FRMD3: variants seen among roughly 807,000 people sequenced by gnomAD.
FRMD3 encodes the protein FERM domain-containing protein 3.
A neutral mutation model predicts 70.2 loss-of-function variants in FRMD3; 33 were observed. That is an observed-to-expected ratio of 0.47 (90% confidence interval 0.36 to 0.63). The LOEUF is 0.63. Among genes scored for constraint, FRMD3 ranks in the 20% least tolerant of loss-of-function variants. FRMD3 has a pLI of 0.00. For synonymous variants in FRMD3, 279 were observed against 255.9 expected, an observed-to-expected ratio of 1.09 and a Z score of -0.86; for missense variants, 632 against 711.4, an observed-to-expected ratio of 0.89 and a Z score of 1.27.
At chr9:83,283,540 AAAAAAAAATAATAATAATAAT>A (rs1335874701) in intron 13 of FRMD3, among the ~76,000 whole-genome samples, 2 of 98,756 alleles carry the variant, frequency 2.0e-5, no homozygotes, top group Non-Finnish European at 4.2e-5. Context: ...CAAAAAAAAA[AAAAAAAAATAATAATAATAAT>A]AATAATAATA....
intron 6 of FRMD3, among the ~76,000 whole-genome samples, chr9:83,324,223 A>C (rs918463799): frequency 6.6e-6 from 1 of 152,252 alleles, no homozygotes; most frequent in Non-Finnish European, 1.5e-5. Context: ...ATTTATATGA[A>C]AGTGAAAATA....
At chr9:83,301,470 T>C (rs1834922984) in intron 10 of FRMD3, among the ~76,000 whole-genome samples, 1 of 151,650 alleles carries the variant, frequency 6.6e-6, no homozygotes, top group African/African-American at 2.4e-5. Flanking sequence ...TTATTGTGTA[T>C]GTGTTTTTTT....
At position 83,469,997 on chromosome 9, in the gene FRMD3, T is replaced by A. The variant is rs543162872; in HGVS notation, c.147+68088A>T. Reference sequence around the variant, plus strand: ...GGATAGGACCCAGGCATTTGTACTTTTTAAAGTACAGTTGATCCGGTGTGT... The same window carrying A: ...GGATAGGACCCAGGCATTTGTACTTATTAAAGTACAGTTGATCCGGTGTGT... On this transcript the variant is annotated intron_variant, in intron 1 of 13. Transcript: ENST00000304195. 6.6e-5 allele frequency among the ~76,000 whole-genome samples: 10 copies of A among 152,332 alleles called. No homozygotes were observed. The South Asian group carries it at 1.9e-3, about 28-fold the overall frequency.
chr9:83,322,782 G>A (rs940327211), intron 6 of FRMD3, among the ~76,000 whole-genome samples: 8 of 152,150 alleles, frequency 5.3e-5, no homozygotes, highest in Admixed American at 5.2e-4. Flanking sequence ...TCAGTTCCCA[G>A]CTGGGCAAGC....
Position 83,247,464 on chromosome 9 carries a change from G to C in FRMD3, c.*454C>G. ...TTAAAAAAACAGAACCAAAAACCCA[G>C]CATAAATTTAGTTGTATAGGCATTG... On this transcript the variant is annotated 3_prime_UTR_variant, in exon 14 of 14. Coordinates refer to ENST00000304195, the MANE Select transcript of FRMD3 (RefSeq NM_174938.6). 1.0e-6 allele frequency: 1 copy of C among 981,626 alleles called. No individual in the cohort carries two copies. Among genetic ancestry groups the C allele is most frequent in the East Asian group, 1.2e-4 (1 of 8,642 alleles). The allele number at this position is 981,626 out of a possible 1,614,324, so 60.8% of individuals were successfully genotyped here.
chr9:83,548,994 A>AGTTT, the FRMD3 span, among the ~76,000 whole-genome samples: 49,713 of 151,588 alleles, frequency 0.33, 8,517 homozygotes, highest in Middle Eastern at 0.45. Flanking sequence ...TACATGTGAA[A>AGTTT]GTTACATAGA....
chr9:83,372,188 T>C (rs145743315), intron 3 of FRMD3, among the ~76,000 whole-genome samples: 138 of 152,054 alleles, frequency 9.1e-4, no homozygotes, highest in African/African-American at 2.6e-3. Context: ...CTCCAAACCA[T>C]AAATAAAAGC....
chr9:83,502,006 G>C (rs1165626697), intron 1 of FRMD3, among the ~76,000 whole-genome samples: 2 of 152,192 alleles, frequency 1.3e-5, no homozygotes, highest in Non-Finnish European at 2.9e-5. Flanking sequence ...TTAAGTGCAT[G>C]AATCATTAAC....
At position 83,388,867 on chromosome 9, in the gene FRMD3, A is replaced by G. The variant is rs143939905; in HGVS notation, c.252+737T>C. 7.5e-3 allele frequency among the ~76,000 whole-genome samples: 1,136 copies of G among 152,246 alleles called. 14 individuals are homozygous for G. Among genetic ancestry groups the G allele is most frequent in the African/African-American group, 0.025 (1,021 of 41,534 alleles). On this transcript the variant is annotated intron_variant, in intron 2 of 13. Coordinates refer to ENST00000304195, the MANE Select transcript of FRMD3 (RefSeq NM_174938.6). ...CAACCACCATCAATATGAAGTTTCA[A>G]ACATGTTCATCCCTCGAAAAGAAAA...
At chr9:83,282,998 G>A (rs957380586) in intron 13 of FRMD3, among the ~76,000 whole-genome samples, 12 of 151,960 alleles carry the variant, frequency 7.9e-5, no homozygotes, top group Admixed American at 1.3e-4. Flanking sequence ...AAAACTTCTC[G>A]TGAGTACTTA....
intron 2 of FRMD3, among the ~76,000 whole-genome samples, chr9:83,380,425 G>A (rs925747080): frequency 2.8e-4 from 42 of 152,288 alleles, no homozygotes; most frequent in African/African-American, 9.6e-4. Context: ...ACAGTCCACA[G>A]TCTATGAACC....
chr9:83,576,747 C>A, the FRMD3 span, among the ~76,000 whole-genome samples: 1 of 151,840 alleles, frequency 6.6e-6, no homozygotes, highest in South Asian at 2.1e-4. Context: ...GAGTTTATAG[C>A]CAAGGTAATT....
At chr9:83,306,048 T>A (rs902911096) in intron 10 of FRMD3, among the ~76,000 whole-genome samples, 1 of 152,146 alleles carries the variant, frequency 6.6e-6, no homozygotes, top group Non-Finnish European at 1.5e-5. Context: ...TCTCTCCCTT[T>A]CTCCTCTCAA....
At chr9:83,532,414 A>G (rs1349820007) in intron 1 of FRMD3, among the ~76,000 whole-genome samples, 1 of 152,214 alleles carries the variant, frequency 6.6e-6, no homozygotes, top group Non-Finnish European at 1.5e-5. Context: ...ATGATATTTA[A>G]CAACACACAC....
the FRMD3 span, among the ~76,000 whole-genome samples, chr9:83,553,434 C>G: frequency 6.6e-6 from 1 of 152,182 alleles, no homozygotes; most frequent in Non-Finnish European, 1.5e-5. Context: ...CTTGGAAAAT[C>G]TGAAGATTAT....
chr9:83,357,897 T>A (rs1032196780), intron 3 of FRMD3, among the ~76,000 whole-genome samples: 1 of 152,234 alleles, frequency 6.6e-6, no homozygotes, highest in Non-Finnish European at 1.5e-5. Context: ...TGCTGATTAT[T>A]TATTTTTTGT....
chr9:83,281,751 C>G (rs1230806711), intron 13 of FRMD3: 1 of 152,470 alleles, frequency 6.6e-6, no homozygotes, highest in African/African-American at 2.4e-5. Context: ...GTTTCCCCTG[C>G]AGCCTGGCTC....
At chr9:83,345,211 G>A (rs577535462) in intron 4 of FRMD3, among the ~76,000 whole-genome samples, 80 of 152,234 alleles carry the variant, frequency 5.3e-4, no homozygotes, top group Non-Finnish European at 1.0e-3. Context: ...AGGCTCAAAT[G>A]ACAATCTTTG....
chr9:83,451,856 T>G (rs969518524), intron 1 of FRMD3, among the ~76,000 whole-genome samples: 1 of 152,222 alleles, frequency 6.6e-6, no homozygotes, highest in African/African-American at 2.4e-5. Context: ...TTTATAACTA[T>G]TATAACTAAT....
Sources: gnomAD v4.1 joint callset for allele counts (sites outside exome capture counted in the v4.1 genomes callset) on GRCh38, gnomAD v4.1.1 for gene constraint, MANE v1.5 for transcripts, NCBI Gene and HGNC (gene_info 2026-07-23, HGNC 2026-07-21) for gene names.